Variants in PTGIS observed in about 807,000 individuals in gnomAD.
The protein encoded by PTGIS is prostacyclin synthase.
Under a neutral mutation model 50.3 loss-of-function variants are expected in PTGIS, and 45 were observed. The ratio of observed to expected loss-of-function variants is 0.90; its 90% CI spans 0.70 to 1.15. PTGIS has a LOEUF of 1.15. Ranked by LOEUF, PTGIS falls within the 50% of genes most tolerant of loss-of-function variation. The pLI is 0.00. For synonymous variants in PTGIS, 260 were observed against 267.7 expected, an observed-to-expected ratio of 0.97 and a Z score of 0.28; for missense variants, 668 against 661.3, an observed-to-expected ratio of 1.01 and a Z score of -0.11.
intron 1 of PTGIS, among the ~76,000 whole-genome samples, chr20:49,555,489 A>G (rs944447270): frequency 2.0e-5 from 3 of 152,208 alleles, no homozygotes; most frequent in African/African-American, 7.2e-5. Context: ...GAAGTCCAAA[A>G]GAGACATATT....
At chr20:49,567,991 G>C in intron 1 of PTGIS, 52 bp downstream of exon 1, 1 of 1,445,642 alleles carries the variant, frequency 6.9e-7, no homozygotes. Flanking sequence ...CTGCAGCCCG[G>C]GCGGGAGCCG....
At chr20:49,524,637 G>A (rs973950202) in intron 5 of PTGIS, among the ~76,000 whole-genome samples, 10 of 152,100 alleles carry the variant, frequency 6.6e-5, no homozygotes, top group Admixed American at 6.5e-4. Context: ...TTAAAAAATA[G>A]GTTTAATGGA....
chr20:49,529,648 G>C (rs770923098), intron 5 of PTGIS, among the ~76,000 whole-genome samples: 5 of 152,104 alleles, frequency 3.3e-5, no homozygotes, highest in Non-Finnish European at 7.4e-5. Flanking sequence ...TTGCCTGGGG[G>C]GTGAATCATC....
chr20:49,518,081 T>A (rs1981538473), intron 6 of PTGIS, among the ~76,000 whole-genome samples: 2 of 152,118 alleles, frequency 1.3e-5, no homozygotes, highest in Non-Finnish European at 2.9e-5. Context: ...ATTGTAGTCA[T>A]CCCCCAGGGG....
In PTGIS at chr20:49,514,284, G is replaced by A. The variant is rs1162404712; in HGVS notation, c.967C>T (p.Pro323Ser). ...LESILWQAEQ[P>S]VSQTTTLPQK... ...GGGAGAGTGGTCGTCTGCGAGACAG[G>A]CTGCTCCGCTTGCCAAAGGATACTC... The change falls in exon 7 of 10, where the codon CCT (proline) becomes TCT (serine). Residue 323 changes from proline (P) to serine (S), a missense_variant. Pro to Ser is a moderately conservative substitution (Grantham distance 74). Transcript: ENST00000244043. 1 of 1,614,126 alleles carries A rather than the reference G, an allele frequency of 6.2e-7. No homozygotes were observed. The highest frequency in any genetic ancestry group is 8.5e-7 in the Non-Finnish European group (1 of 1,180,046).
In PTGIS at chr20:49,539,662, G is replaced by A. The variant is rs767066696; in HGVS notation, c.581C>T (p.Ala194Val). 8.1e-5 allele frequency: 130 copies of A among 1,613,762 alleles called. 1 individual carries two copies. The South Asian group carries it at 1.3e-3, about 16-fold the overall frequency. ...EALPRTHESQ[A>V]QDRVHSADVF... ...ATCAGCTGAGTGGACGCGGTCCTGG[G>A]CCTGGCTTTCATGGGTGCGTGGCAG... Residue 194 changes from alanine to valine, a missense_variant, in exon 5 of 10, where the codon GCC (alanine) becomes GTC (valine). By Grantham distance (64) the Ala-to-Val change is moderately conservative. Coordinates refer to ENST00000244043, the MANE Select transcript of PTGIS (RefSeq NM_000961.4).
At chr20:49,543,178 C>T (rs1253869220) in intron 4 of PTGIS, among the ~76,000 whole-genome samples, 1 of 152,064 alleles carries the variant, frequency 6.6e-6, no homozygotes. Context: ...CTCACGCCCA[C>T]GCTCCCCCAT....
intron 5 of PTGIS, among the ~76,000 whole-genome samples, chr20:49,528,409 C>T (rs557681482): frequency 2.0e-5 from 3 of 151,710 alleles, no homozygotes; most frequent in East Asian, 2.0e-4. Context: ...GTCAGGAGTT[C>T]GAGACCAGCC....
Position 49,544,287 on chromosome 20 carries a change from G to A in PTGIS, c.521+18C>T. The A allele has an allele frequency of 6.2e-7, 1 of 1,613,750 alleles. No homozygotes were observed. The highest frequency in any genetic ancestry group is 8.5e-7 in the Non-Finnish European group (1 of 1,179,858). On this transcript the variant is annotated intron_variant, in intron 4 of 9. Coordinates refer to ENST00000244043, the MANE Select transcript of PTGIS (RefSeq NM_000961.4). Reference sequence around the variant, plus strand: ...AGTGCCGGGCCCCAGCAGGAGGGTGGGGGCTGCACAGCCTCACCTGAGCAG... The same window carrying A: ...AGTGCCGGGCCCCAGCAGGAGGGTGAGGGCTGCACAGCCTCACCTGAGCAG...
rs570362829 is a variant in PTGIS, at chr20:49,514,464, G to A, written c.856-69C>T. On this transcript the variant is annotated intron_variant, in intron 6 of 9. Coordinates refer to ENST00000244043, the MANE Select transcript of PTGIS (RefSeq NM_000961.4). ...CTGACTCGTCTCTGCCAGGGACACA[G>A]CTCGGGCCAAGACAGAGGGGCCAGT... is the stretch of plus-strand genomic sequence containing the variant. 4.9e-5 allele frequency: 76 copies of A among 1,564,328 alleles called. No homozygotes were observed. The Admixed American group carries it at 9.5e-4, about 20-fold the overall frequency.
chr20:49,557,152 T>C (rs1294254782), intron 1 of PTGIS, among the ~76,000 whole-genome samples: 1 of 152,212 alleles, frequency 6.6e-6, no homozygotes, highest in Non-Finnish European at 1.5e-5. Flanking sequence ...ATGTGAGACT[T>C]CACAACCTAC....
Position 49,511,049 on chromosome 20 carries a change from T to A in PTGIS, c.1337A>T (p.Tyr446Phe), listed in dbSNP as rs1568667650. 2 of 1,613,808 alleles carry A rather than the reference T, an allele frequency of 1.2e-6. No homozygotes were observed. Among genetic ancestry groups the A allele is most frequent in the Non-Finnish European group, 1.7e-6 (2 of 1,179,990 alleles). Residue 446 changes from tyrosine (Y) to phenylalanine (F), a missense_variant, in exon 9 of 10, where the codon TAT becomes TTT. Tyr to Phe is a conservative substitution (Grantham distance 22). Coordinates refer to ENST00000244043, the MANE Select transcript of PTGIS (RefSeq NM_000961.4). ...TCACTGTTTGATGCTGTTGACCGCATAACTCCTCCCCAGGCAGTGATTGTG... is the reference window on the plus strand; with the variant it reads ...TCACTGTTTGATGCTGTTGACCGCAAAACTCCTCCCCAGGCAGTGATTGTG... ...AGHNHCLGRS[Y>F]AVNSIKQFVF...
intron 2 of PTGIS, 58 bp from the exon 3 acceptor site, chr20:49,548,077 CA>C (rs1982412167): frequency 2.0e-6 from 3 of 1,537,950 alleles, no homozygotes; most frequent in Middle Eastern, 2.0e-4. Context: ...CAGCCGCTCT[CA>C]GTGGTCAGGG....
At chr20:49,552,156 CT>C (rs137967315) in intron 1 of PTGIS, among the ~76,000 whole-genome samples, 4,873 of 148,896 alleles carry the variant, frequency 0.033, 201 homozygotes, top group African/African-American at 0.098. Flanking sequence ...TATCTGATTT[CT>C]TTTTTTTTTA....
intron 5 of PTGIS, among the ~76,000 whole-genome samples, chr20:49,532,820 G>T (rs1451935890): frequency 1.3e-5 from 2 of 152,196 alleles, no homozygotes; most frequent in Non-Finnish European, 2.9e-5. Flanking sequence ...TTTCCCCCAT[G>T]TGTAAAATGA....
Position 49,505,196 on chromosome 20 carries a change from TC to T in PTGIS, c.*2723del, listed in dbSNP as rs1981116082. ...AAAGAAAGAAAGAAAGAAAGAGTAT[TC>T]CTAACATATGTCCAGTAATTTTGAT... On this transcript the variant is annotated 3_prime_UTR_variant, in exon 10 of 10. Coordinates refer to ENST00000244043, the MANE Select transcript of PTGIS (RefSeq NM_000961.4). The T allele has an allele frequency of 6.6e-6, 1 of 151,886 alleles. No homozygotes were observed. The highest frequency in any genetic ancestry group is 2.4e-5 in the African/African-American group (1 of 41,274). The allele number at this position is 151,886 out of a possible 1,614,324, so 9.4% of individuals were successfully genotyped here. A position where few individuals can be genotyped will look rare whatever the true frequency, so the allele number is the denominator to read the frequency against.
rs1219551510 is a variant in PTGIS, at chr20:49,517,316, G to A, written c.856-2921C>T. 2.6e-5 allele frequency among the ~76,000 whole-genome samples: 4 copies of A among 152,178 alleles called. No homozygotes were observed. The East Asian group carries it at 7.7e-4, about 29-fold the overall frequency. ...TTTATCTGGCCCAGATGGTTAGATG[G>A]GGGCCACCGCTCATTAATTACCAAG... On this transcript the variant is annotated intron_variant, in intron 6 of 9. Transcript: ENST00000244043.
Position 49,528,349 on chromosome 20 carries a change from C to A in PTGIS, c.674-4110G>T, listed in dbSNP as rs150193948. 4.5e-4 allele frequency among the ~76,000 whole-genome samples: 69 copies of A among 152,264 alleles called. No homozygotes were observed. In the East Asian group the frequency reaches 0.012, roughly 27 times the overall value. ...GCAGTGGGCTGGGTGCAGTGGCTCA[C>A]TCCTGTAATCCCAGCACTTGGGGAG... is the stretch of plus-strand genomic sequence containing the variant. On this transcript the variant is annotated intron_variant, in intron 5 of 9. Coordinates refer to ENST00000244043, the MANE Select transcript of PTGIS (RefSeq NM_000961.4).
intron 4 of PTGIS, among the ~76,000 whole-genome samples, chr20:49,541,030 T>A (rs1243395446): frequency 1.3e-5 from 2 of 152,240 alleles, no homozygotes; most frequent in Admixed American, 6.5e-5. Flanking sequence ...GTCCCTCACC[T>A]GCACAGTGGT....
Sources: allele counts gnomAD v4.1 joint callset (sites outside exome capture counted in the v4.1 genomes callset), GRCh38; gene constraint gnomAD v4.1.1; transcripts MANE v1.5; gene names NCBI Gene and HGNC (gene_info 2026-07-23, HGNC 2026-07-21).